IP6K1: variants seen among roughly 807,000 people sequenced by gnomAD.
IP6K1 encodes the protein inositol hexakisphosphate kinase 1.
A neutral mutation model predicts 38.3 loss-of-function variants in IP6K1; 13 were observed. The observed-to-expected ratio is 0.34, with a 90% CI of 0.22 to 0.54. The LOEUF is 0.54. Among genes scored for constraint, IP6K1 ranks in the 20% least tolerant of loss-of-function variants. The pLI is 0.92. For missense variants in IP6K1, 397 were observed against 599.8 expected, an observed-to-expected ratio of 0.66 and a Z score of 3.53; for synonymous variants, 212 against 229.9, an observed-to-expected ratio of 0.92 and a Z score of 0.70.
chr3:49,735,143 C>T (rs958119076), intron 3 of IP6K1, among the ~76,000 whole-genome samples: 6 of 152,128 alleles, frequency 3.9e-5, no homozygotes, highest in African/African-American at 1.4e-4. Flanking sequence ...CTGCTTGAAG[C>T]CAGGAGTTTC....
intron 1 of IP6K1, among the ~76,000 whole-genome samples, chr3:49,769,995 C>T (rs767040865): frequency 2.6e-5 from 4 of 152,090 alleles, no homozygotes; most frequent in African/African-American, 7.2e-5. Flanking sequence ...GGAAAGATCA[C>T]TTGAGCCCAG....
intron 1 of IP6K1, among the ~76,000 whole-genome samples, chr3:49,784,184 T>C (rs1022069811): frequency 6.6e-6 from 1 of 151,918 alleles, no homozygotes; most frequent in Admixed American, 6.6e-5. Flanking sequence ...TTAGTAGACA[T>C]GGGATTTTGC....
rs1007929549 is a variant in IP6K1 at position 49,746,266 on chromosome 3, A to G, written c.223+1552T>C. 4.6e-5 allele frequency among the ~76,000 whole-genome samples: 7 copies of G among 151,946 alleles called. No individual in the cohort carries two copies. In the East Asian group the frequency reaches 1.4e-3, roughly 30 times the overall value. ...ACATTTGTAAGACAATGTTCACAGC[A>G]GCATTATTCGCAATAGCCAAAAGGT... On this transcript the variant is annotated intron_variant, in intron 2 of 5. Coordinates refer to ENST00000321599, the MANE Select transcript of IP6K1 (RefSeq NM_153273.4).
chr3:49,774,867 G>A (rs2080992563), intron 1 of IP6K1, among the ~76,000 whole-genome samples: 1 of 151,738 alleles, frequency 6.6e-6, no homozygotes, highest in Admixed American at 6.6e-5. Flanking sequence ...GTAGGCCTCT[G>A]GTCATAATTT....
chr3:49,770,026 C>A (rs959104848), intron 1 of IP6K1, among the ~76,000 whole-genome samples: 1 of 151,964 alleles, frequency 6.6e-6, no homozygotes, highest in Non-Finnish European at 1.5e-5. Context: ...CCAGCCTGGG[C>A]AACATCTCTA....
intron 2 of IP6K1, among the ~76,000 whole-genome samples, chr3:49,740,432 C>T (rs911950093): frequency 2.6e-5 from 4 of 151,972 alleles, no homozygotes; most frequent in African/African-American, 7.3e-5. Flanking sequence ...ACTGAATAAC[C>T]ACCACCATTA....
chr3:49,783,787 TG>T (rs2081088619), intron 1 of IP6K1, among the ~76,000 whole-genome samples: 1 of 151,096 alleles, frequency 6.6e-6, no homozygotes, highest in Non-Finnish European at 1.5e-5. Flanking sequence ...CCCAAGGAAC[TG>T]GTCTTACCAA....
chr3:49,732,778 G>A lies in IP6K1; in HGVS notation c.616+13C>T. 1 of 1,603,768 alleles carries A rather than the reference G, an allele frequency of 6.2e-7. No homozygotes were observed. Among genetic ancestry groups the A allele is most frequent in the South Asian group, 1.1e-5 (1 of 90,394 alleles). ...CCCAGTAGACACTCCTGAAGGAGGG[G>A]CAACGAGGATACTGTAGAGCTTTCG... On this transcript the variant is annotated intron_variant, in intron 4 of 5. Transcript: ENST00000321599.
At chr3:49,769,813 TA>T (rs1164470616) in intron 1 of IP6K1, among the ~76,000 whole-genome samples, 1 of 152,178 alleles carries the variant, frequency 6.6e-6, no homozygotes, top group African/African-American at 2.4e-5. Flanking sequence ...TTGTTAGCTT[TA>T]AAGTAGGGAA....
chr3:49,785,492 C>A (rs1219678377), intron 1 of IP6K1: 1 of 151,928 alleles, frequency 6.6e-6, no homozygotes, highest in Non-Finnish European at 1.5e-5. Flanking sequence ...GGCAACAGAG[C>A]GAGAGACTCT....
intron 1 of IP6K1, among the ~76,000 whole-genome samples, chr3:49,770,716 G>A (rs2080949907): frequency 6.6e-6 from 1 of 152,168 alleles, no homozygotes; most frequent in African/African-American, 2.4e-5. Context: ...CACTTAAGAG[G>A]TAGGCAAGGT....
At chr3:49,738,140 C>T in intron 3 of IP6K1, 72 bp downstream of exon 3, 1 of 1,250,978 alleles carries the variant, frequency 8.0e-7, no homozygotes, top group Non-Finnish European at 1.2e-6. Context: ...AGCCCTGCTT[C>T]CCCATGATGT....
intron 2 of IP6K1, among the ~76,000 whole-genome samples, chr3:49,745,165 A>G (rs1258342716): frequency 2.6e-5 from 4 of 152,216 alleles, no homozygotes; most frequent in Admixed American, 6.6e-5. Context: ...ACAAAAATAC[A>G]GATTGTGATA....
intron 2 of IP6K1, among the ~76,000 whole-genome samples, chr3:49,742,256 A>T (rs1435904843): frequency 6.6e-6 from 1 of 152,242 alleles, no homozygotes; most frequent in Non-Finnish European, 1.5e-5. Flanking sequence ...AGTCAAAGAA[A>T]ATAGAAGCAT....
At chr3:49,775,460 C>A in intron 1 of IP6K1, 1 of 518,742 alleles carries the variant, frequency 1.9e-6, no homozygotes, top group East Asian at 4.1e-5. Flanking sequence ...GCCGTGTGAT[C>A]TGTGGAGGCC....
chr3:49,769,064 G>A (rs1022588258), intron 1 of IP6K1, among the ~76,000 whole-genome samples: 9 of 152,052 alleles, frequency 5.9e-5, no homozygotes, highest in African/African-American at 1.5e-4. Context: ...TTAACAAAAC[G>A]TGAAAGAATT....
intron 1 of IP6K1, among the ~76,000 whole-genome samples, chr3:49,760,926 G>C (rs2080862683): frequency 6.6e-6 from 1 of 152,182 alleles, no homozygotes; most frequent in African/African-American, 2.4e-5. Flanking sequence ...ACTTCTCAGA[G>C]TGAGGTAATA....
chr3:49,742,376 T>A (rs771913635), intron 2 of IP6K1, among the ~76,000 whole-genome samples: 2 of 151,878 alleles, frequency 1.3e-5, no homozygotes, highest in Non-Finnish European at 2.9e-5. Flanking sequence ...GGTGAAACCC[T>A]GTCTCTACTA....
At chr3:49,732,700 A>T in intron 4 of IP6K1, 91 bp downstream of exon 4, 1 of 1,043,296 alleles carries the variant, frequency 9.6e-7, no homozygotes, top group Non-Finnish European at 1.4e-6. Context: ...GAGGGACCCT[A>T]GACAAAGACC....
Sources: allele counts gnomAD v4.1 joint callset (sites outside exome capture counted in the v4.1 genomes callset), GRCh38; gene constraint gnomAD v4.1.1; transcripts MANE v1.5; gene names NCBI Gene and HGNC (gene_info 2026-07-23, HGNC 2026-07-21).